WDR5: variants seen among roughly 807,000 people sequenced by gnomAD.
WDR5 encodes WD repeat-containing protein 5.
For missense variants in WDR5, 187 were observed against 416.9 expected (o/e 0.45, Z 4.80); for synonymous variants, 144 against 161.6 (o/e 0.89, Z 0.83).
intron 8 of WDR5, among the ~76,000 whole-genome samples, chr9:134,149,618 A>T (rs576621435): frequency 1.3e-5 from 2 of 152,270 alleles, no homozygotes; most frequent in Non-Finnish European, 2.9e-5. Flanking sequence ...TCTCAGAATT[A>T]CTCATGGACC....
chr9:134,136,417 C>T (rs1222717031), intron 1 of WDR5, among the ~76,000 whole-genome samples: 3 of 151,794 alleles, frequency 2.0e-5, no homozygotes, highest in African/African-American at 7.2e-5. Flanking sequence ...CCCGGTCCGC[C>T]CCCACTCGCG....
chr9:134,146,707 G>A (rs1260573785), intron 7 of WDR5, among the ~76,000 whole-genome samples: 1 of 152,238 alleles, frequency 6.6e-6, no homozygotes, highest in Non-Finnish European at 1.5e-5. Context: ...GCAAAGCATG[G>A]AGTTGGCCTT....
In WDR5 at chr9:134,140,711, T is replaced by C. The variant is rs569003631; in HGVS notation, c.90T>C (p.Pro30=). The C allele has an allele frequency of 6.2e-7, 1 of 1,614,152 alleles. No individual in the cohort carries two copies. Among genetic ancestry groups the C allele is most frequent in the South Asian group, 1.1e-5 (1 of 91,082 alleles). ...ACTGGTCTTTCCTGCAGCCTACACC[T>C]GTGAAGCCAAACTATGCTCTAAAGT... The part of the protein sequence containing the change: ...SSSATQSKPT[P]VKPNYALKFT... Residue 30 remains proline (P), a synonymous_variant, in exon 3 of 14, where the codon CCT becomes CCC. Transcript: ENST00000358625.
At position 134,148,053 on chromosome 9, in the gene WDR5, C is replaced by G. The variant is rs572235821; in HGVS notation, c.529-235C>G. Among the ~76,000 whole-genome samples, 4 of 152,100 alleles carry G rather than the reference C, an allele frequency of 2.6e-5. No homozygotes were observed. In the East Asian group the frequency reaches 7.7e-4, roughly 29 times the overall value. On this transcript the variant is annotated intron_variant, in intron 7 of 13. Transcript: ENST00000358625. Reference sequence around the variant, plus strand: ...TGGTGCATGCCTGTAATCCCAGTTACTTGGGAGGCTGAGGCACGAGAATTG... The same window carrying G: ...TGGTGCATGCCTGTAATCCCAGTTAGTTGGGAGGCTGAGGCACGAGAATTG...
chr9:134,148,473 TG>T, intron 8 of WDR5, 130 bp downstream of exon 8: 1 of 740,382 alleles, frequency 1.4e-6, no homozygotes, highest in Non-Finnish European at 2.2e-6. Context: ...GCTTCTCTTC[TG>T]GCCACGCTGC....
In WDR5 at chr9:134,136,216, C is replaced by T. The variant is rs1458400995; in HGVS notation, c.-59+16C>T. The T allele has an allele frequency of 3.4e-5, 5 of 148,120 alleles. No individual in the cohort carries two copies. The highest frequency in any genetic ancestry group is 7.5e-5 in the Non-Finnish European group (5 of 66,416). The allele number at this position is 148,120 out of a possible 1,614,324, so 9.2% of individuals were successfully genotyped here. On this transcript the variant is annotated intron_variant, in intron 1 of 13. Coordinates refer to ENST00000358625, the MANE Select transcript of WDR5 (RefSeq NM_017588.3). ...GGCCCGGCAGGTAAGCGGGCAGCCG[C>T]CCGGCCCGGGGAACACAAGGCGGGC... is the stretch of plus-strand genomic sequence containing the variant.
At chr9:134,152,776 GC>G (rs1215053465) in intron 9 of WDR5, among the ~76,000 whole-genome samples, 1 of 152,182 alleles carries the variant, frequency 6.6e-6, no homozygotes, top group Non-Finnish European at 1.5e-5. Flanking sequence ...CTGAGACCAA[GC>G]CCCACAGGCT....
intron 11 of WDR5, 53 bp downstream of exon 11, chr9:134,155,426 C>T: frequency 1.9e-6 from 3 of 1,558,600 alleles, no homozygotes; most frequent in East Asian, 2.3e-5. Context: ...GGGTCATGGC[C>T]TCTGGTGGGG....
At chr9:134,150,822 G>C (rs28523906) in intron 8 of WDR5, among the ~76,000 whole-genome samples, 5,920 of 151,984 alleles carry the variant, frequency 0.039, 376 homozygotes, top group African/African-American at 0.13. Context: ...TACGTGGTGT[G>C]ATCTCGCGTT....
chr9:134,145,096 G>GTTT lies in WDR5; in HGVS notation c.528+2395_528+2397dup, dbSNP rs56864188. Among the ~76,000 whole-genome samples, 118 of 104,708 alleles carry GTTT rather than the reference G, an allele frequency of 1.1e-3. 4 individuals are homozygous for GTTT. The highest frequency in any genetic ancestry group is 3.6e-3 in the African/African-American group (104 of 29,152). The allele number at this position is 104,708 out of a possible 152,430, so 68.7% of individuals were successfully genotyped here. A position where few individuals can be genotyped will look rare whatever the true frequency, so the allele number is the denominator to read the frequency against. ...ACTGCAGAGAGGTTTGTGGGGCTTT[G>GTTT]TTTTTTTTTTTTTTTTTTTTGAAAC... On this transcript the variant is annotated intron_variant, in intron 7 of 13. Coordinates refer to ENST00000358625, the MANE Select transcript of WDR5 (RefSeq NM_017588.3).
chr9:134,136,451 G>A (rs1490321007), intron 1 of WDR5, among the ~76,000 whole-genome samples: 1 of 151,898 alleles, frequency 6.6e-6, no homozygotes, highest in African/African-American at 2.4e-5. Context: ...CTCCCCGGCG[G>A]ACCGCTGACA....
chr9:134,156,534 T>A lies in WDR5; in HGVS notation c.845T>A (p.Leu282His). Residue 282 changes from leucine to histidine, a missense_variant, in exon 13 of 14, where the codon CTT (leucine) becomes CAT (histidine). Transcript: ENST00000358625. ...KWIVSGSEDN[L>H]VYIWNLQTKE... ...ATTGTGTCTGGCTCAGAGGATAACCTTGTTTACATCTGGAACCTTCAGACG... is the reference window on the plus strand; with the variant it reads ...ATTGTGTCTGGCTCAGAGGATAACCATGTTTACATCTGGAACCTTCAGACG... 1.2e-6 allele frequency: 2 copies of A among 1,614,238 alleles called. No individual in the cohort carries two copies. The highest frequency in any genetic ancestry group is 1.1e-5 in the South Asian group (1 of 91,084).
chr9:134,152,028 C>G lies in WDR5; in HGVS notation c.630C>G (p.Ile210Met), dbSNP rs370007697. 6.2e-7 allele frequency: 1 copy of G among 1,614,030 alleles called. No homozygotes were observed. The highest frequency in any genetic ancestry group is 1.3e-5 in the African/African-American group (1 of 75,054). ...CAGGCCAGTGCCTGAAGACGCTCAT[C>G]GGTGAGTGTGGCTCTGTGTGGGGGC... ...TASGQCLKTL[I>M]DDDNPPVSFV... The change falls in exon 9 of 14, where the codon ATC becomes ATG. Residue 210 changes from isoleucine (I) to methionine (M), a missense_variant and splice_region_variant. Physicochemically the swap from Ile to Met is conservative, Grantham distance 10. Coordinates refer to ENST00000358625, the MANE Select transcript of WDR5 (RefSeq NM_017588.3).
intron 7 of WDR5, among the ~76,000 whole-genome samples, chr9:134,148,076 T>C (rs1832295986): frequency 6.6e-6 from 1 of 151,852 alleles, no homozygotes; most frequent in African/African-American, 2.4e-5. Context: ...GGCACGAGAA[T>C]TGCTTGAACC....
Position 134,144,570 on chromosome 9 carries a change from T to C in WDR5, c.528+1851T>C, listed in dbSNP as rs77319029. Reference sequence around the variant, plus strand: ...AAACACAAAAACAGGTTGGGTGCCATGTCTCCCACCTGTAATTCCAGCACT... The same window carrying C: ...AAACACAAAAACAGGTTGGGTGCCACGTCTCCCACCTGTAATTCCAGCACT... On this transcript the variant is annotated intron_variant, in intron 7 of 13. Coordinates refer to ENST00000358625, the MANE Select transcript of WDR5 (RefSeq NM_017588.3). Among the ~76,000 whole-genome samples, 1,328 of 152,254 alleles carry C rather than the reference T, an allele frequency of 8.7e-3. 18 individuals carry two copies. The highest frequency in any genetic ancestry group is 0.03 in the African/African-American group (1,253 of 41,516).
intron 8 of WDR5, among the ~76,000 whole-genome samples, chr9:134,151,055 G>C (rs1344945179): frequency 6.6e-6 from 1 of 152,214 alleles, no homozygotes; most frequent in African/African-American, 2.4e-5. Context: ...GCTCCGGAGA[G>C]GCCCTCCCGC....
chr9:134,152,375 T>A (rs544357311), intron 9 of WDR5, among the ~76,000 whole-genome samples: 42 of 152,290 alleles, frequency 2.8e-4, no homozygotes, highest in African/African-American at 1.0e-3. Flanking sequence ...CTTGGATCAT[T>A]CCTTGAGTGA....
chr9:134,153,514 C>T (rs1438084811), intron 9 of WDR5, among the ~76,000 whole-genome samples: 2 of 152,250 alleles, frequency 1.3e-5, no homozygotes, highest in African/African-American at 4.8e-5. Flanking sequence ...GAGCCCGGCC[C>T]CCCGGCCCTC....
intron 9 of WDR5, among the ~76,000 whole-genome samples, chr9:134,154,101 C>T (rs983912085): frequency 6.6e-6 from 1 of 152,192 alleles, no homozygotes; most frequent in Admixed American, 6.5e-5. Context: ...ATTCCCCAGC[C>T]CTCTTTGCTG....
Sources: gnomAD v4.1 joint callset for allele counts (sites outside exome capture counted in the v4.1 genomes callset) on GRCh38, gnomAD v4.1.1 for gene constraint, MANE v1.5 for transcripts, NCBI Gene and HGNC (gene_info 2026-07-23, HGNC 2026-07-21) for gene names.